The following HCN1 variants were observed in gnomAD, a reference collection of about 807,000 sequenced individuals.
HCN1 encodes the protein hyperpolarization activated cyclic nucleotide gated potassium channel 1.
In HCN1, 13 loss-of-function variants were observed where a neutral mutation model predicts 78.9. The observed-to-expected ratio is 0.16, with a 90% CI of 0.11 to 0.26. HCN1 has a LOEUF of 0.26. Among genes scored for constraint, HCN1 ranks in the 10% least tolerant of loss-of-function variants. The pLI is 1.00. For synonymous variants in HCN1, 552 were observed against 455.5 expected, an observed-to-expected ratio of 1.21 and a Z score of -2.70; for missense variants, 810 against 1,154.3, an observed-to-expected ratio of 0.70 and a Z score of 4.32.
rs543025133 is a variant in HCN1 at position 45,492,498 on chromosome 5, G to A, written c.850-30491C>T. Among the ~76,000 whole-genome samples the A allele has an allele frequency of 2.3e-3, 322 of 139,942 alleles. 2 individuals carry two copies. Among genetic ancestry groups the A allele is most frequent in the African/African-American group, 8.0e-3 (300 of 37,352 alleles). 91.8% of individuals were successfully genotyped at this position (139,942 alleles called of 152,430 possible). The stretch of plus-strand genomic sequence containing the variant: ...TGCTAAAACTGTGTGAGACAGTGGC[G>A]TTACCAGCAACAGTTTTTTTGTTTT... On this transcript the variant is annotated intron_variant, in intron 2 of 7. Transcript: ENST00000303230.
At chr5:45,603,094 C>G (rs1744656348) in intron 2 of HCN1, among the ~76,000 whole-genome samples, 1 of 152,084 alleles carries the variant, frequency 6.6e-6, no homozygotes, top group African/African-American at 2.4e-5. Flanking sequence ...TTGTTCCCTA[C>G]TTTTCATCCC....
intron 1 of HCN1, among the ~76,000 whole-genome samples, chr5:45,667,980 A>G (rs1746082829): frequency 1.3e-5 from 2 of 151,960 alleles, no homozygotes; most frequent in African/African-American, 2.4e-5. Flanking sequence ...GACTTGGCCA[A>G]GATCACTTGA....
chr5:45,353,674 T>C (rs1028937088), intron 4 of HCN1, among the ~76,000 whole-genome samples: 10 of 152,022 alleles, frequency 6.6e-5, no homozygotes, highest in African/African-American at 1.2e-4. Context: ...TTAGGCTTTT[T>C]GGCAAAAGAT....
intron 3 of HCN1, among the ~76,000 whole-genome samples, chr5:45,426,294 T>C (rs1034867053): frequency 6.6e-6 from 1 of 152,174 alleles, no homozygotes; most frequent in African/African-American, 2.4e-5. Flanking sequence ...GAATGGTTAG[T>C]CATGGAAATC....
intron 2 of HCN1, among the ~76,000 whole-genome samples, chr5:45,600,180 CTCTT>C (rs1354558579): frequency 6.6e-6 from 1 of 151,976 alleles, no homozygotes; most frequent in African/African-American, 2.4e-5. Context: ...CTCTCTCTCT[CTCTT>C]ACACACACAC....
At chr5:45,581,436 G>T (rs565238504) in intron 2 of HCN1, among the ~76,000 whole-genome samples, 2 of 152,114 alleles carry the variant, frequency 1.3e-5, no homozygotes, top group African/African-American at 4.8e-5. Flanking sequence ...TGTCAGATGA[G>T]TAGATTGTAA....
At chr5:45,285,988 T>A (rs1435051327) in intron 6 of HCN1, among the ~76,000 whole-genome samples, 1 of 151,900 alleles carries the variant, frequency 6.6e-6, no homozygotes, top group African/African-American at 2.4e-5. Flanking sequence ...ACACGGAAAA[T>A]TTGTTTTTAA....
chr5:45,297,293 TCCAC>T, intron 6 of HCN1, among the ~76,000 whole-genome samples: 1 of 152,212 alleles, frequency 6.6e-6, no homozygotes, highest in African/African-American at 2.4e-5. Flanking sequence ...TTAGGCGGTT[TCCAC>T]CCTGGGCGGG....
At chr5:45,461,229 C>A (rs996406177) in intron 3 of HCN1, among the ~76,000 whole-genome samples, 1 of 151,816 alleles carries the variant, frequency 6.6e-6, no homozygotes, top group South Asian at 2.1e-4. Context: ...CAAAACATAT[C>A]TTCTTAAAAT....
intron 3 of HCN1, among the ~76,000 whole-genome samples, chr5:45,440,548 G>A (rs1002177509): frequency 7.2e-5 from 11 of 152,046 alleles, no homozygotes; most frequent in Admixed American, 4.6e-4. Context: ...CTGTGTTCTT[G>A]CTCTCCCCCA....
intron 3 of HCN1, among the ~76,000 whole-genome samples, chr5:45,398,212 T>C (rs2112042282): frequency 6.6e-6 from 1 of 152,206 alleles, no homozygotes; most frequent in East Asian, 1.9e-4. Context: ...GAATTTAGTT[T>C]TTATATCTGA....
In HCN1 at chr5:45,627,219, T is replaced by C. The variant is rs544938805; in HGVS notation, c.849+17966A>G. ...ACAGTTTTCTTTTTGGTAACTGACA[T>C]TGAAATATAGAACCTGCAAAATCAG... On this transcript the variant is annotated intron_variant, in intron 2 of 7. Coordinates refer to ENST00000303230, the MANE Select transcript of HCN1 (RefSeq NM_021072.4). 1.6e-4 allele frequency among the ~76,000 whole-genome samples: 25 copies of C among 152,308 alleles called. 1 individual carries two copies. The South Asian group carries it at 4.6e-3, about 28-fold the overall frequency.
chr5:45,524,758 C>T (rs967386648), intron 2 of HCN1, among the ~76,000 whole-genome samples: 16 of 152,064 alleles, frequency 1.1e-4, no homozygotes, highest in Admixed American at 9.8e-4. Context: ...AGATTTTGGG[C>T]TGAGACGATG....
intron 2 of HCN1, among the ~76,000 whole-genome samples, chr5:45,563,687 T>C (rs1438175517): frequency 1.3e-5 from 2 of 152,266 alleles, no homozygotes; most frequent in East Asian, 3.9e-4. Context: ...TGATAAAATG[T>C]TGAAAATGTT....
rs542670722 is a variant in HCN1, at chr5:45,504,450, T to C, written c.850-42443A>G. 1.7e-4 allele frequency among the ~76,000 whole-genome samples: 26 copies of C among 152,312 alleles called. No homozygotes were observed. In the East Asian group the frequency reaches 5.0e-3, roughly 29 times the overall value. ...GAACTCATCCTTTTTTTTGGCTGCA[T>C]AGTATTCCATGGTGTATATGTGCCA... On this transcript the variant is annotated intron_variant, in intron 2 of 7. Coordinates refer to ENST00000303230, the MANE Select transcript of HCN1 (RefSeq NM_021072.4).
intron 2 of HCN1, among the ~76,000 whole-genome samples, chr5:45,607,935 C>G (rs1369820323): frequency 6.6e-6 from 1 of 151,718 alleles, no homozygotes; most frequent in Admixed American, 6.6e-5. Flanking sequence ...AGAAACAAAA[C>G]TCTAATTAGC....
chr5:45,687,125 G>A (rs185057381), intron 1 of HCN1, among the ~76,000 whole-genome samples: 261 of 152,242 alleles, frequency 1.7e-3, no homozygotes, highest in African/African-American at 5.6e-3. Context: ...TTACCTTAAA[G>A]TATTATTCCC....
At chr5:45,634,399 G>T (rs185982203) in intron 2 of HCN1, among the ~76,000 whole-genome samples, 3 of 152,020 alleles carry the variant, frequency 2.0e-5, no homozygotes, top group Admixed American at 2.0e-4. Flanking sequence ...TGAAATTTTA[G>T]TTATTAATAT....
At chr5:45,615,218 T>C (rs1257839696) in intron 2 of HCN1, among the ~76,000 whole-genome samples, 1 of 152,084 alleles carries the variant, frequency 6.6e-6, no homozygotes, top group Non-Finnish European at 1.5e-5. Context: ...CAGAAATCTT[T>C]GCAAATTAAG....
Sources: allele counts gnomAD v4.1 joint callset (sites outside exome capture counted in the v4.1 genomes callset), GRCh38; gene constraint gnomAD v4.1.1; transcripts MANE v1.5; gene names NCBI Gene and HGNC (gene_info 2026-07-23, HGNC 2026-07-21).